PCDH18: variants seen among roughly 807,000 people sequenced by gnomAD.
PCDH18 encodes the protein protocadherin 18, also known as protocadherin-18.
In PCDH18, 38 loss-of-function variants were observed where a neutral mutation model predicts 71.5. That is an observed-to-expected ratio of 0.53 (90% CI 0.41 to 0.70). PCDH18 has a LOEUF of 0.70. Ranked by LOEUF, PCDH18 falls within the 30% of genes least tolerant of loss-of-function variation. The pLI, the probability that PCDH18 is intolerant of heterozygous loss-of-function variation, is 0.00. For synonymous variants in PCDH18, 565 were observed against 505.4 expected (o/e 1.12, Z -1.58); for missense variants, 1,334 against 1,384.6 (o/e 0.96, Z 0.58).
chr4:137,530,393 T>A lies in PCDH18; in HGVS notation c.1696A>T (p.Ile566Phe). The change falls in exon 1 of 4, where the codon ATC (isoleucine) becomes TTC (phenylalanine). Residue 566 changes from isoleucine to phenylalanine, a missense_variant. Coordinates refer to ENST00000344876, the MANE Select transcript of PCDH18 (RefSeq NM_019035.5). ...GGAACGTTGTCATTTTCGTCAATGA[T>A]GGTGAGCACAACTGTGGTATTGCTT... ...LVSNTTVVLT[I>F]IDENDNVPVV... The A allele has an allele frequency of 6.2e-7, 1 of 1,614,146 alleles. No homozygotes were observed. The highest frequency in any genetic ancestry group is 8.5e-7 in the Non-Finnish European group (1 of 1,180,020).
Position 137,530,933 on chromosome 4 carries a change from C to A in PCDH18, c.1156G>T (p.Asp386Tyr). ...DTFVALVRVQ[D>Y]KDSGLNGEIV... ...TCTCCATTCAGCCCAGAATCCTTGT[C>A]CTGAACTCTGACCAAAGCAACAAAT... Residue 386 changes from aspartate to tyrosine, a missense_variant, in exon 1 of 4, where the codon GAC (aspartate) becomes TAC (tyrosine). Physicochemically the swap from Asp to Tyr is radical, Grantham distance 160 (BLOSUM62 -3). This residue lies in a region of PCDH18 where 1,011 missense variants were observed against 1,048.0 expected (regional missense o/e 0.96). Transcript: ENST00000344876. 6.2e-7 allele frequency: 1 copy of A among 1,613,664 alleles called. No individual in the cohort carries two copies. Among genetic ancestry groups the A allele is most frequent in the Non-Finnish European group, 8.5e-7 (1 of 1,179,714 alleles).
intron 3 of PCDH18, among the ~76,000 whole-genome samples, chr4:137,522,645 A>T (rs1163963735): frequency 6.6e-6 from 1 of 152,202 alleles, no homozygotes; most frequent in African/African-American, 2.4e-5. Context: ...GAAAATGCAA[A>T]ATAATTCTCT....
chr4:137,529,788 G>A lies in PCDH18; in HGVS notation c.2301C>T (p.Gly767=). 10 of 1,613,200 alleles carry A rather than the reference G, an allele frequency of 6.2e-6. No individual in the cohort carries two copies. The highest frequency in any genetic ancestry group is 8.5e-6 in the Non-Finnish European group (10 of 1,179,426). The change falls in exon 1 of 4, where the codon GGC becomes GGT. Residue 767 remains glycine, a synonymous_variant. Coordinates refer to ENST00000344876, the MANE Select transcript of PCDH18 (RefSeq NM_019035.5). ...GDITLVPTIN[G]TLPIRSHHRS... ...TGTGATGAGATCTGATGGGCAGAGT[G>A]CCATTTATGGTAGGCACCAATGTGA...
At position 137,528,611 on chromosome 4, in the gene PCDH18, G is replaced by A. The variant is rs2149215028; in HGVS notation, c.2607C>T (p.Ser869=). ...RYALQDMDKF[S]LKDSGRGDSE... ...TGTCACCACGGCCACTGTCTTTCAA[G>A]CTAAATTTGTCCATGTCTTGAAGGG... The change falls in exon 3 of 4, where the codon AGC becomes AGT. Residue 869 remains serine (S), a synonymous_variant. Coordinates refer to ENST00000344876, the MANE Select transcript of PCDH18 (RefSeq NM_019035.5). 1 of 1,613,810 alleles carries A rather than the reference G, an allele frequency of 6.2e-7. No homozygotes were observed. Among genetic ancestry groups the A allele is most frequent in the South Asian group, 1.1e-5 (1 of 91,070 alleles).
rs1731221711 is a variant in PCDH18, at chr4:137,519,308, G to C, written c.*1721C>G. ...CAGTGTTTCAATTCCTGACTAGCAA[G>C]CCAGGGACGATAATATTCTTGCCTC... On this transcript the variant is annotated 3_prime_UTR_variant, in exon 4 of 4. Coordinates refer to ENST00000344876, the MANE Select transcript of PCDH18 (RefSeq NM_019035.5). 1 of 152,126 alleles carries C rather than the reference G, an allele frequency of 6.6e-6. No homozygotes were observed. Among genetic ancestry groups the C allele is most frequent in the Admixed American group, 6.6e-5 (1 of 15,266 alleles). 9.4% of individuals were successfully genotyped at this position (152,126 alleles called of 1,614,324 possible). A position where few individuals can be genotyped will look rare whatever the true frequency, so the allele number is the denominator to read the frequency against.
chr4:137,522,744 C>T (rs1731337087), intron 3 of PCDH18, among the ~76,000 whole-genome samples: 1 of 152,136 alleles, frequency 6.6e-6, no homozygotes, highest in African/African-American at 2.4e-5. Flanking sequence ...GAAGATTCCT[C>T]TTCCTCCCAA....
chr4:137,525,267 G>A (rs928765780), intron 3 of PCDH18, among the ~76,000 whole-genome samples: 5 of 152,116 alleles, frequency 3.3e-5, no homozygotes, highest in Admixed American at 1.3e-4. Context: ...ATTTGTGTGG[G>A]AATTAATAGC....
At chr4:137,524,909 C>T (rs1731401424) in intron 3 of PCDH18, among the ~76,000 whole-genome samples, 1 of 152,114 alleles carries the variant, frequency 6.6e-6, no homozygotes, top group Non-Finnish European at 1.5e-5. Context: ...CACTGACACA[C>T]TAAACCTGTC....
At chr4:137,525,757 T>C (rs1272863139) in intron 3 of PCDH18, among the ~76,000 whole-genome samples, 1 of 152,120 alleles carries the variant, frequency 6.6e-6, no homozygotes, top group East Asian at 1.9e-4. Flanking sequence ...GTATCTACTA[T>C]AATGTATTTT....
In PCDH18 at chr4:137,519,829, A is replaced by G. The variant is rs1731238850; in HGVS notation, c.*1200T>C. 6.6e-6 allele frequency: 1 copy of G among 152,646 alleles called. No homozygotes were observed. The highest frequency in any genetic ancestry group is 1.5e-5 in the Non-Finnish European group (1 of 68,034). 9.5% of individuals were successfully genotyped at this position (152,646 alleles called of 1,614,324 possible). ...AGAAATGATAATAGTCATAATAAGCATCTCTCTCACCAAGGCATTCCACAC... is the reference window on the plus strand; with the variant it reads ...AGAAATGATAATAGTCATAATAAGCGTCTCTCTCACCAAGGCATTCCACAC... On this transcript the variant is annotated 3_prime_UTR_variant, in exon 4 of 4. Coordinates refer to ENST00000344876, the MANE Select transcript of PCDH18 (RefSeq NM_019035.5).
Position 137,519,398 on chromosome 4 carries a change from A to T in PCDH18, c.*1631T>A, listed in dbSNP as rs1003113426. 18 of 151,300 alleles carry T rather than the reference A, an allele frequency of 1.2e-4. No homozygotes were observed. The highest frequency in any genetic ancestry group is 4.1e-4 in the African/African-American group (17 of 41,238). The allele number at this position is 151,300 out of a possible 1,614,324, so 9.4% of individuals were successfully genotyped here. On this transcript the variant is annotated 3_prime_UTR_variant, in exon 4 of 4. Coordinates refer to ENST00000344876, the MANE Select transcript of PCDH18 (RefSeq NM_019035.5). The stretch of plus-strand genomic sequence containing the variant: ...TTAATACAAAATGTCCTAAGAAAGT[A>T]TTTTTTTTTGTTGTAATTTGAAAAA...
intron 3 of PCDH18, among the ~76,000 whole-genome samples, chr4:137,525,720 G>A (rs1731434275): frequency 6.6e-6 from 1 of 152,104 alleles, no homozygotes; most frequent in Non-Finnish European, 1.5e-5. Context: ...ACCTCAGATG[G>A]AGGCAGGTAC....
rs745703723 is a variant in PCDH18 at position 137,520,965 on chromosome 4, TTTGTTG to T, written c.*58_*63del. On this transcript the variant is annotated 3_prime_UTR_variant, in exon 4 of 4. Coordinates refer to ENST00000344876, the MANE Select transcript of PCDH18 (RefSeq NM_019035.5). ...GGCAATGCCAGTTCTTTCAGGGTTT[TTTGTTG>T]TTGTTGTTGTTCCCTATTTCCATAT... is the stretch of plus-strand genomic sequence containing the variant. The T allele has an allele frequency of 8.3e-7, 1 of 1,198,602 alleles. No homozygotes were observed. The highest frequency in any genetic ancestry group is 1.5e-5 in the African/African-American group (1 of 65,610). 74.2% of individuals were successfully genotyped at this position (1,198,602 alleles called of 1,614,324 possible). A position where few individuals can be genotyped will look rare whatever the true frequency, so the allele number is the denominator to read the frequency against.
intron 3 of PCDH18, among the ~76,000 whole-genome samples, chr4:137,523,964 G>A (rs1032853725): frequency 6.6e-6 from 1 of 152,144 alleles, no homozygotes; most frequent in Non-Finnish European, 1.5e-5. Context: ...AGAAATGGAA[G>A]AGTAACGGTG....
At chr4:137,523,215 T>A (rs1731353011) in intron 3 of PCDH18, among the ~76,000 whole-genome samples, 1 of 152,078 alleles carries the variant, frequency 6.6e-6, no homozygotes, top group South Asian at 2.1e-4. Context: ...AGCGTAAGCA[T>A]GAAGAAAAAT....
In PCDH18 at chr4:137,530,631, A is replaced by C. The variant is rs775935054; in HGVS notation, c.1458T>G (p.Thr486=). ...ENNSPGAYIT[T]VTATDPDLGE... is the part of the protein sequence containing the mutation. ...CAAGATCAGGATCTGTGGCTGTAAC[A>C]GTGGTGATATATGCCCCTGGTGAGT... is the stretch of plus-strand genomic sequence containing the variant. Residue 486 remains threonine (T), a synonymous_variant, in exon 1 of 4, where the codon ACT becomes ACG. Coordinates refer to ENST00000344876, the MANE Select transcript of PCDH18 (RefSeq NM_019035.5). The C allele has an allele frequency of 1.9e-6, 3 of 1,614,094 alleles. No individual in the cohort carries two copies. Among genetic ancestry groups the C allele is most frequent in the East Asian group, 2.2e-5 (1 of 44,864 alleles).
chr4:137,524,853 G>T (rs955412712), intron 3 of PCDH18, among the ~76,000 whole-genome samples: 10 of 152,120 alleles, frequency 6.6e-5, no homozygotes, highest in Non-Finnish European at 1.2e-4. Flanking sequence ...ATGAAAGAAA[G>T]ATTTGACAAA....
Position 137,532,376 on chromosome 4 carries a change from C to G in PCDH18, c.-288G>C. Reference sequence around the variant, plus strand: ...GTTTTCTCCCTTGTGTAGTCGGAATCCATCTATTGCAGGGTGCCGGTGGAG... The same window carrying G: ...GTTTTCTCCCTTGTGTAGTCGGAATGCATCTATTGCAGGGTGCCGGTGGAG... On this transcript the variant is annotated 5_prime_UTR_variant, in exon 1 of 4. Coordinates refer to ENST00000344876, the MANE Select transcript of PCDH18 (RefSeq NM_019035.5). The G allele has an allele frequency of 1.4e-6, 1 of 702,058 alleles. No individual in the cohort carries two copies. Among genetic ancestry groups the G allele is most frequent in the South Asian group, 1.5e-5 (1 of 67,540 alleles). The allele number at this position is 702,058 out of a possible 1,614,324, so 43.5% of individuals were successfully genotyped here.
chr4:137,530,776 T>G lies in PCDH18; in HGVS notation c.1313A>C (p.Glu438Ala). 1.9e-6 allele frequency: 3 copies of G among 1,612,414 alleles called. No homozygotes were observed. The highest frequency in any genetic ancestry group is 2.5e-6 in the Non-Finnish European group (3 of 1,178,532). The change falls in exon 1 of 4, where the codon GAG (glutamate) becomes GCG (alanine). Residue 438 changes from glutamate (E) to alanine (A), a missense_variant. This residue lies in a region of PCDH18 where 1,011 missense variants were observed against 1,048.0 expected (regional missense o/e 0.96). Transcript: ENST00000344876. ...RSEYSLTVIA[E>A]DRGTPSLSTV... Reference sequence around the variant, plus strand: ...AGAGAGACTGGGTGTCCCCCTGTCCTCAGCGATTACAGTCAAACTATACTC... The same window carrying G: ...AGAGAGACTGGGTGTCCCCCTGTCCGCAGCGATTACAGTCAAACTATACTC...
Sources: gnomAD v4.1 joint callset for allele counts (sites outside exome capture counted in the v4.1 genomes callset) on GRCh38, gnomAD v4.1.1 for gene constraint, gnomAD v4.1.1 regional missense constraint, MANE v1.5 for transcripts, NCBI Gene and HGNC (gene_info 2026-07-23, HGNC 2026-07-21) for gene names.